The following BANP variants were observed in gnomAD, a reference collection of about 807,000 sequenced individuals.
BANP encodes BTG3 associated nuclear protein, also known as protein BANP.
A neutral mutation model predicts 68.1 loss-of-function variants in BANP; 11 were observed. That is an observed-to-expected ratio of 0.16 (90% CI 0.10 to 0.27). The LOEUF is 0.27. BANP is among the 10% of genes least tolerant of loss of function. The probability of loss-of-function intolerance (pLI) is 1.00; values close to 1 mark genes in which losing one functional copy is unlikely to be tolerated. For synonymous variants in BANP, 329 were observed against 303.2 expected (o/e 1.09, Z -0.88); for missense variants, 504 against 722.7 (o/e 0.70, Z 3.47).
chr16:88,075,750 T>C (rs1393922785), intron 13 of BANP, among the ~76,000 whole-genome samples: 2 of 148,178 alleles, frequency 1.3e-5, no homozygotes, highest in African/African-American at 4.9e-5. Context: ...CCTTTACTTT[T>C]TTTTTTTTTT....
chr16:87,970,408 C>T (rs8052362), intron 1 of BANP, among the ~76,000 whole-genome samples: 46,717 of 151,974 alleles, frequency 0.31, 8,858 homozygotes, highest in African/African-American at 0.5. Context: ...ACTCTGTTAC[C>T]TAGATTCTTA....
At chr16:88,015,458 G>T (rs1388357339) in intron 6 of BANP, among the ~76,000 whole-genome samples, 2 of 152,224 alleles carry the variant, frequency 1.3e-5, no homozygotes, top group Non-Finnish European at 2.9e-5. Context: ...TCCCTCGTCT[G>T]CCCTATGTTC....
intron 5 of BANP, among the ~76,000 whole-genome samples, chr16:88,005,145 C>T (rs1263881168): frequency 6.6e-6 from 1 of 152,170 alleles, no homozygotes; most frequent in Non-Finnish European, 1.5e-5. Flanking sequence ...CAGCTGTGGT[C>T]GCAAGGGTCT....
At chr16:87,992,969 G>A (rs1387306477) in intron 4 of BANP, among the ~76,000 whole-genome samples, 1 of 152,168 alleles carries the variant, frequency 6.6e-6, no homozygotes, top group Non-Finnish European at 1.5e-5. Flanking sequence ...AGGCCTCCCT[G>A]GGCTCCTCTG....
At chr16:88,031,642 C>G (rs376230445) in intron 8 of BANP, among the ~76,000 whole-genome samples, 2 of 142,200 alleles carry the variant, frequency 1.4e-5, no homozygotes, top group Non-Finnish European at 3.0e-5. Flanking sequence ...GAGCAAGACT[C>G]TCTCTCAAAA....
In BANP at chr16:88,003,318, A is replaced by T. The variant is rs148957374; in HGVS notation, c.363-977A>T. On this transcript the variant is annotated intron_variant, in intron 4 of 13. Transcript: ENST00000682872. The surrounding 1 kb of genome is among the most constrained non-coding windows in gnomAD (Gnocchi z 6.1). The stretch of plus-strand genomic sequence containing the variant: ...TGGCGTGGTGCTGTGCTGGCACTCA[A>T]TGTGGGGACAGTTACAGTGATACTA... Among the ~76,000 whole-genome samples, 1 of 152,224 alleles carries T rather than the reference A, an allele frequency of 6.6e-6. No individual in the cohort carries two copies. Among genetic ancestry groups the T allele is most frequent in the Non-Finnish European group, 1.5e-5 (1 of 68,044 alleles).
intron 11 of BANP, among the ~76,000 whole-genome samples, chr16:88,043,218 A>T (rs1314043043): frequency 1.3e-5 from 2 of 152,156 alleles, no homozygotes; most frequent in African/African-American, 4.8e-5. Context: ...GTTGGAGTTG[A>T]AATTAAAATG....
chr16:88,030,908 A>G (rs1358772549), intron 8 of BANP, among the ~76,000 whole-genome samples: 1 of 152,224 alleles, frequency 6.6e-6, no homozygotes, highest in Non-Finnish European at 1.5e-5. Context: ...ACGGTTAGAA[A>G]TGGAGATTTC....
At chr16:88,041,057 G>A (rs1328309364) in intron 11 of BANP, among the ~76,000 whole-genome samples, 1 of 152,216 alleles carries the variant, frequency 6.6e-6, no homozygotes, top group Non-Finnish European at 1.5e-5. Context: ...CCTGTGCCCT[G>A]TGCCCTGTGC....
rs1598345804 is a variant in BANP, at chr16:88,003,773, TC to T, written c.363-519del. 3.1e-6 allele frequency: 1 copy of T among 319,076 alleles called. No homozygotes were observed. The allele number at this position is 319,076 out of a possible 1,614,324, so 19.8% of individuals were successfully genotyped here. On this transcript the variant is annotated intron_variant, in intron 4 of 13. Coordinates refer to ENST00000682872, the MANE Select transcript of BANP (RefSeq NM_001386991.1). The surrounding 1 kb of genome is among the most constrained non-coding windows in gnomAD (Gnocchi z 6.1). ...TGGAGGCAGCATGTGTGTCCTTCCA[TC>T]CCAAGTCCAACGTGATGTTTGCCCC...
rs367757603 is a variant in BANP at position 88,027,660 on chromosome 16, G to A, written c.1063+10G>A. 2.5e-5 allele frequency: 41 copies of A among 1,612,578 alleles called. No homozygotes were observed. In the African/African-American group the frequency reaches 4.0e-4, roughly 16 times the overall value. On this transcript the variant is annotated intron_variant, in intron 8 of 13. Transcript: ENST00000682872. ...TCCTACTGCCCTTCAGGTAGGCCTC[G>A]TGCTGCAGGAGAGGCCGCCCTCCCC...
At chr16:87,996,593 TG>T in intron 4 of BANP, among the ~76,000 whole-genome samples, 1 of 143,818 alleles carries the variant, frequency 7.0e-6, no homozygotes, top group African/African-American at 2.6e-5. Flanking sequence ...GCCCTCGTCC[TG>T]GGCGCCGGCT....
At position 88,036,984 on chromosome 16, in the gene BANP, G is replaced by A. The variant is rs967340989; in HGVS notation, c.1273-989G>A. 1.3e-5 allele frequency among the ~76,000 whole-genome samples: 2 copies of A among 152,186 alleles called. No homozygotes were observed. The highest frequency in any genetic ancestry group is 1.9e-4 in the East Asian group (1 of 5,194). On this transcript the variant is annotated intron_variant, in intron 10 of 13. Coordinates refer to ENST00000682872, the MANE Select transcript of BANP (RefSeq NM_001386991.1). This position sits in a 1 kb window ranked among gnomAD's most constrained non-coding sequence, Gnocchi z 4.2. Reference sequence around the variant, plus strand: ...TTCCAGTGCAGGAGCTGCCTTTGAGGGGCAGGGGAAGGTTTGCTTCTCAAG... The same window carrying A: ...TTCCAGTGCAGGAGCTGCCTTTGAGAGGCAGGGGAAGGTTTGCTTCTCAAG...
At chr16:88,027,030 G>C (rs1487161245) in intron 7 of BANP, among the ~76,000 whole-genome samples, 3 of 152,264 alleles carry the variant, frequency 2.0e-5, no homozygotes. Context: ...CGGTGGCCGA[G>C]CAGGCCCGAG....
At chr16:88,031,379 T>A (rs1480550540) in intron 8 of BANP, among the ~76,000 whole-genome samples, 1 of 152,144 alleles carries the variant, frequency 6.6e-6, no homozygotes, top group Admixed American at 6.5e-5. Context: ...CACAGTGGCT[T>A]ACACCTATAA....
chr16:87,966,462 C>T (rs1298842217), intron 1 of BANP, among the ~76,000 whole-genome samples: 2 of 152,194 alleles, frequency 1.3e-5, no homozygotes, highest in African/African-American at 4.8e-5. Context: ...TGCTGTGTTC[C>T]AGTTTTCTTG....
In BANP at chr16:88,004,161, T is replaced by C. The variant is rs1471508649; in HGVS notation, c.363-134T>C. The C allele has an allele frequency of 2.9e-6, 2 of 681,632 alleles. No individual in the cohort carries two copies. Among genetic ancestry groups the C allele is most frequent in the Non-Finnish European group, 5.3e-6 (2 of 377,826 alleles). 42.2% of individuals were successfully genotyped at this position (681,632 alleles called of 1,614,324 possible). ...GACGGGTCCCTGGGAGTGGACTATG[T>C]TGAATGACTCTTAGGCCTCCCCCTC... is the stretch of plus-strand genomic sequence containing the variant. On this transcript the variant is annotated intron_variant, in intron 4 of 13. Transcript: ENST00000682872. This position sits in a 1 kb window ranked among gnomAD's most constrained non-coding sequence, Gnocchi z 7.0.
Position 88,061,853 on chromosome 16 carries a change from CG to C in BANP, c.1312-3411del, listed in dbSNP as rs370935926. 4.4e-3 allele frequency among the ~76,000 whole-genome samples: 669 copies of C among 152,096 alleles called. 2 individuals are homozygous for C. Among genetic ancestry groups the C allele is most frequent in the African/African-American group, 0.015 (633 of 41,482 alleles). On this transcript the variant is annotated intron_variant, in intron 11 of 13. Coordinates refer to ENST00000682872, the MANE Select transcript of BANP (RefSeq NM_001386991.1). The stretch of plus-strand genomic sequence containing the variant: ...GCTAATTTTGTATTTTTAATGGAGA[CG>C]GGATTTCTCCATGTTGGTCAGGCTG...
chr16:88,002,272 G>C lies in BANP; in HGVS notation c.363-2023G>C, dbSNP rs559849437. On this transcript the variant is annotated intron_variant, in intron 4 of 13. Transcript: ENST00000682872. This position sits in a 1 kb window ranked among gnomAD's most constrained non-coding sequence, Gnocchi z 4.6. ...TGTGTGCCAGGGGTCTCAGTGGTCT[G>C]TCCTCAGAAACTGTTTTTGATGATC... Among the ~76,000 whole-genome samples, 1 of 152,106 alleles carries C rather than the reference G, an allele frequency of 6.6e-6. No homozygotes were observed. Among genetic ancestry groups the C allele is most frequent in the African/African-American group, 2.4e-5 (1 of 41,418 alleles).
Sources: allele counts gnomAD v4.1 joint callset (sites outside exome capture counted in the v4.1 genomes callset), GRCh38; gene constraint gnomAD v4.1.1; non-coding constraint Gnocchi (gnomAD v3.1); transcripts MANE v1.5; gene names NCBI Gene and HGNC (gene_info 2026-07-23, HGNC 2026-07-21).